The following ESPL1 variants were observed in gnomAD, a reference collection of about 807,000 sequenced individuals.
ESPL1 encodes separin.
ESPL1 carries 50 observed loss-of-function variants against 217.2 expected under a neutral mutation model. That is an observed-to-expected ratio of 0.23 (90% CI 0.18 to 0.29). The LOEUF (loss-of-function observed/expected upper bound fraction) is 0.29. ESPL1 is among the 10% of genes least tolerant of loss of function. ESPL1 has a pLI of 1.00. For synonymous variants in ESPL1, 994 were observed against 1,081.3 expected (o/e 0.92, Z 1.58); for missense variants, 1,834 against 2,603.0 (o/e 0.70, Z 6.43).
Position 53,293,096 on chromosome 12 carries a change from G to T in ESPL1, c.6161+126G>T. ...TTCCTCCTATCCTAGTTAGTTCCCT[G>T]GCATGCCTGGACCATTAACCCTTAG... On this transcript the variant is annotated intron_variant, in intron 30 of 30. Transcript: ENST00000257934. The surrounding 1 kb of genome is among the most constrained non-coding windows in gnomAD (Gnocchi z 4.2). 9.7e-7 allele frequency: 1 copy of T among 1,033,982 alleles called. No individual in the cohort carries two copies. The allele number at this position is 1,033,982 out of a possible 1,614,324, so 64.1% of individuals were successfully genotyped here. A position where few individuals can be genotyped will look rare whatever the true frequency, so the allele number is the denominator to read the frequency against.
chr12:53,269,527 C>T lies in ESPL1; in HGVS notation c.585C>T (p.Ala195=), dbSNP rs539970375. 1.2e-6 allele frequency: 2 copies of T among 1,614,244 alleles called. No individual in the cohort carries two copies. The highest frequency in any genetic ancestry group is 2.2e-5 in the South Asian group (2 of 91,090). Residue 195 remains alanine (A), a synonymous_variant, in exon 3 of 31, where the codon GCC becomes GCT. Transcript: ENST00000257934. This position sits in a 1 kb window ranked among gnomAD's most constrained non-coding sequence, Gnocchi z 6.7. ...CEVPHFASPT[A]CRAVAAHQLF... ...TTCCTCACTTTGCTTCTCCAACAGC[C>T]TGTCGAGCGGTAGCTGCCCATCAGC...
At chr12:53,275,897 G>A (rs1943758995) in intron 7 of ESPL1, among the ~76,000 whole-genome samples, 1 of 152,024 alleles carries the variant, frequency 6.6e-6, no homozygotes, top group Non-Finnish European at 1.5e-5. Context: ...CAATTAAACT[G>A]ATTTGCTAAA....
intron 9 of ESPL1, 36 bp downstream of exon 9, chr12:53,277,263 G>C (rs200205359): frequency 6.3e-7 from 1 of 1,588,660 alleles, no homozygotes; most frequent in Non-Finnish European, 8.6e-7. Context: ...CCAGAACTGG[G>C]TGTAGGAATT....
At chr12:53,277,293 C>T (rs1030883740) in intron 9 of ESPL1, 66 bp downstream of exon 9, 3 of 1,549,008 alleles carry the variant, frequency 1.9e-6, no homozygotes, top group Non-Finnish European at 2.6e-6. Flanking sequence ...GGGCCCCCAA[C>T]AAGTTGGTAT....
At chr12:53,277,321 C>T (rs537928608) in intron 9 of ESPL1, 94 bp downstream of exon 9, 169 of 1,499,948 alleles carry the variant, frequency 1.1e-4, no homozygotes, top group Non-Finnish European at 1.3e-4. Flanking sequence ...TTTTTTTGTT[C>T]GTTATTTTTA....
chr12:53,277,275 C>T (rs1445315278), intron 9 of ESPL1, 48 bp downstream of exon 9: 1 of 1,578,364 alleles, frequency 6.3e-7, no homozygotes, highest in Non-Finnish European at 8.6e-7. Context: ...GTAGGAATTA[C>T]TGTCCCTGGG....
rs1592488661 is a variant in ESPL1, at chr12:53,282,513, C to T, written c.2791+78C>T. The T allele has an allele frequency of 7.4e-7, 1 of 1,355,986 alleles. No individual in the cohort carries two copies. The highest frequency in any genetic ancestry group is 1.0e-6 in the Non-Finnish European group (1 of 969,204). 84.0% of individuals were successfully genotyped at this position (1,355,986 alleles called of 1,614,324 possible). On this transcript the variant is annotated intron_variant, in intron 14 of 30. Transcript: ENST00000257934. This position sits in a 1 kb window ranked among gnomAD's most constrained non-coding sequence, Gnocchi z 4.0. ...CTGTCAGCTCTTCTCAAACCTCATC[C>T]CCTCTGCTGGCTAACTATGTGGCCC...
chr12:53,272,630 C>T, intron 5 of ESPL1, 91 bp from the exon 6 acceptor site: 2 of 1,461,198 alleles, frequency 1.4e-6, no homozygotes, highest in Non-Finnish European at 1.9e-6. Context: ...GCTGAACTGA[C>T]CACAGATCCA....
chr12:53,270,002 C>G lies in ESPL1; in HGVS notation c.1060C>G (p.Arg354Gly), dbSNP rs567786268. 2 of 1,614,152 alleles carry G rather than the reference C, an allele frequency of 1.2e-6. No individual in the cohort carries two copies. The highest frequency in any genetic ancestry group is 2.2e-5 in the South Asian group (2 of 91,088). ...LSGLERGTKRRYRLDAILSLF... is the reference protein window; with the variant it reads ...LSGLERGTKRGYRLDAILSLF... ...AGGCCTGGAACGAGGCACCAAGAGGCGCTATAGACTTGATGCCATTCTGAG... is the reference window on the plus strand; with the variant it reads ...AGGCCTGGAACGAGGCACCAAGAGGGGCTATAGACTTGATGCCATTCTGAG... Residue 354 changes from arginine (R) to glycine (G), a missense_variant, in exon 3 of 31, where the codon CGC (arginine) becomes GGC (glycine). Physicochemically the swap from Arg to Gly is moderately radical, Grantham distance 125. Transcript: ENST00000257934.
At chr12:53,281,756 A>G in intron 13 of ESPL1, 130 bp downstream of exon 13, 1 of 864,634 alleles carries the variant, frequency 1.2e-6, no homozygotes, top group Non-Finnish European at 1.8e-6. Flanking sequence ...AGAGGCAGGC[A>G]TATTTCCTAG....
Position 53,292,800 on chromosome 12 carries a change from C to G in ESPL1, c.5997-6C>G. 1 of 1,608,036 alleles carries G rather than the reference C, an allele frequency of 6.2e-7. No individual in the cohort carries two copies. ...TCAAGACTCATCTCACCTCCTTCTG[C>G]CTTAGCTATGCAGGGCATGGGGCTG... On this transcript the variant is annotated splice_region_variant and splice_polypyrimidine_tract_variant and intron_variant, in intron 29 of 30. Transcript: ENST00000257934. The surrounding 1 kb of genome is among the most constrained non-coding windows in gnomAD (Gnocchi z 4.5).
At chr12:53,270,900 C>CT in intron 5 of ESPL1, 102 bp downstream of exon 5, 1 of 1,323,610 alleles carries the variant, frequency 7.6e-7, no homozygotes, top group Non-Finnish European at 1.0e-6. Flanking sequence ...GTGAGGGTTC[C>CT]TTATGGTTCA....
rs148936970 is a variant in ESPL1, at chr12:53,277,223, A to G, written c.2081A>G (p.Gln694Arg). The change falls in exon 9 of 31, where the codon CAG becomes CGG. Residue 694 changes from glutamine (Q) to arginine (R), a missense_variant. This residue lies in a region of ESPL1 where 746 missense variants were observed against 1,077.0 expected (regional missense o/e 0.69). Transcript: ENST00000257934. ...LYICTLEAKM[Q>R]EGIERDRRAQ... ...ATCTGTACTCTGGAAGCCAAAATGC[A>G]GGAAGTGAGTGTGGCTGCTGTGGGG... The G allele has an allele frequency of 3.7e-5, 59 of 1,606,796 alleles. No homozygotes were observed. The highest frequency in any genetic ancestry group is 5.0e-5 in the Admixed American group (3 of 59,838).
Position 53,270,502 on chromosome 12 carries a change from G to A in ESPL1, c.1248+20G>A. The A allele has an allele frequency of 6.3e-7, 1 of 1,592,630 alleles. No individual in the cohort carries two copies. The highest frequency in any genetic ancestry group is 2.2e-5 in the East Asian group (1 of 44,766). On this transcript the variant is annotated intron_variant, in intron 4 of 30. Transcript: ENST00000257934. ...TGTCAGGTACTGTCTGGGAATCAAG[G>A]TACCTGGACTAGGCTCATAGGGTTT...
Position 53,286,664 on chromosome 12 carries a change from ACT to A in ESPL1, c.3930_3931del (p.Gln1311GlyfsTer21). 6.2e-7 allele frequency: 1 copy of A among 1,614,118 alleles called. No individual in the cohort carries two copies. Among genetic ancestry groups the A allele is most frequent in the Non-Finnish European group, 8.5e-7 (1 of 1,180,024 alleles). On this transcript the variant is annotated frameshift_variant, in exon 18 of 31. Transcript: ENST00000257934. LOFTEE classifies it high-confidence loss of function. The surrounding 1 kb of genome is among the most constrained non-coding windows in gnomAD (Gnocchi z 5.3). ...KSVPGSEPSK[T>X]QGQKRSGRGR... The stretch of plus-strand genomic sequence containing the variant: ...TGTCCCTGGCTCAGAGCCCTCTAAG[ACT>A]CAGGGCCAAAAACGTTCTGGACGAG...
intron 20 of ESPL1, 67 bp downstream of exon 20, chr12:53,288,766 T>C: frequency 6.9e-7 from 1 of 1,450,342 alleles, no homozygotes; most frequent in Non-Finnish European, 9.4e-7. Flanking sequence ...TTGACCCCTC[T>C]GTCTTTCCAG....
chr12:53,272,320 C>A (rs1943690859), intron 5 of ESPL1, among the ~76,000 whole-genome samples: 1 of 152,034 alleles, frequency 6.6e-6, no homozygotes, highest in South Asian at 2.1e-4. Flanking sequence ...AATTGGGAGT[C>A]TAAGGTGCAT....
chr12:53,271,886 G>A (rs895752070), intron 5 of ESPL1, among the ~76,000 whole-genome samples: 16 of 152,086 alleles, frequency 1.1e-4, no homozygotes, highest in African/African-American at 1.7e-4. Context: ...TCAGGAGATC[G>A]AGACCATCCT....
Position 53,293,197 on chromosome 12 carries a change from C to A in ESPL1, c.6162-76C>A. On this transcript the variant is annotated intron_variant, in intron 30 of 30. Transcript: ENST00000257934. The surrounding 1 kb of genome is among the most constrained non-coding windows in gnomAD (Gnocchi z 4.2). ...GTTCAATCCTCTCCACTCACCCACC[C>A]CCACCACCAATGGTGTTTTCCTATG... 1 of 1,290,350 alleles carries A rather than the reference C, an allele frequency of 7.7e-7. No homozygotes were observed. The highest frequency in any genetic ancestry group is 1.1e-6 in the Non-Finnish European group (1 of 890,590). 79.9% of individuals were successfully genotyped at this position (1,290,350 alleles called of 1,614,324 possible). A position where few individuals can be genotyped will look rare whatever the true frequency, so the allele number is the denominator to read the frequency against.
Sources: gnomAD v4.1 joint callset for allele counts (sites outside exome capture counted in the v4.1 genomes callset) on GRCh38, gnomAD v4.1.1 for gene constraint, gnomAD v4.1.1 regional missense constraint, Gnocchi (gnomAD v3.1) non-coding constraint, MANE v1.5 for transcripts, NCBI Gene and HGNC (gene_info 2026-07-23, HGNC 2026-07-21) for gene names.